ZFX: variants seen among roughly 807,000 people sequenced by gnomAD.
ZFX encodes zinc finger protein X-linked.
For missense variants in ZFX, 362 were observed against 628.3 expected, an observed-to-expected ratio of 0.58 and a Z score of 4.53; for synonymous variants, 196 against 226.8, an observed-to-expected ratio of 0.86 and a Z score of 1.22.
chrX:24,185,269 C>T (rs1457962787), intron 5 of ZFX, among the ~76,000 whole-genome samples: 3 of 111,382 alleles, frequency 2.7e-5, no homozygotes, highest in Non-Finnish European at 5.7e-5. Flanking sequence ...CCGGCCTCTA[C>T]AGCCACTTTT....
At chrX:24,178,232 C>T (rs1029008480) in intron 4 of ZFX, among the ~76,000 whole-genome samples, 1 of 105,823 alleles carries the variant, frequency 9.4e-6, no homozygotes, top group African/African-American at 3.5e-5. Context: ...GCCCGGCCTA[C>T]TTAATTAATT....
intron 9 of ZFX, among the ~76,000 whole-genome samples, chrX:24,209,294 G>T (rs964560766): frequency 5.3e-5 from 6 of 112,352 alleles, no homozygotes; most frequent in Non-Finnish European, 7.5e-5. Context: ...TGTGTACATG[G>T]AATGAAATCC....
chrX:24,164,669 C>T (rs929572803), intron 3 of ZFX, among the ~76,000 whole-genome samples: 6 of 111,361 alleles, frequency 5.4e-5, no homozygotes, highest in Non-Finnish European at 7.5e-5. Context: ...CGGTGCCTCA[C>T]ACCTGTAATC....
chrX:24,187,750 G>A (rs1371496102), intron 5 of ZFX, among the ~76,000 whole-genome samples: 1 of 111,772 alleles, frequency 8.9e-6, no homozygotes, highest in Non-Finnish European at 1.9e-5. Flanking sequence ...CCTCACTAGG[G>A]GTTGGAGATA....
intron 5 of ZFX, among the ~76,000 whole-genome samples, chrX:24,183,132 T>G (rs1935812542): frequency 8.9e-6 from 1 of 112,151 alleles, no homozygotes; most frequent in African/African-American, 3.2e-5. Flanking sequence ...CAAGAATTTA[T>G]GAGATAGATT....
At chrX:24,149,503 C>A (rs1363223454), upstream of ZFX, 1 of 111,685 alleles carries the variant, frequency 9.0e-6, no homozygotes, top group Non-Finnish European at 1.9e-5. Flanking sequence ...CCACTGGGCT[C>A]CCCGGTCGCG....
Position 24,211,463 on chromosome X carries a change from A to G in ZFX, c.*87A>G. The G allele has an allele frequency of 2.0e-6, 2 of 995,377 alleles. No individual in the cohort carries two copies. Among genetic ancestry groups the G allele is most frequent in the Non-Finnish European group, 2.8e-6 (2 of 725,818 alleles). The allele number at this position is 995,377 out of a possible 1,213,427, so 82.0% of individuals were successfully genotyped here. A position where few individuals can be genotyped will look rare whatever the true frequency, so the allele number is the denominator to read the frequency against. The stretch of plus-strand genomic sequence containing the variant: ...CCAATCAGTCTCATTCACATACAAT[A>G]CTGTATATTGATTTATGCTGTGTAC... On this transcript the variant is annotated 3_prime_UTR_variant, in exon 10 of 10. Transcript: ENST00000304543.
chrX:24,193,327 AG>A (rs1936667932), intron 5 of ZFX, among the ~76,000 whole-genome samples: 1 of 112,338 alleles, frequency 8.9e-6, no homozygotes, highest in Admixed American at 9.5e-5. Flanking sequence ...TAGTGAAAGA[AG>A]CCAGGCGAAA....
chrX:24,156,153 T>C (rs1027452868), intron 3 of ZFX, among the ~76,000 whole-genome samples: 9 of 112,269 alleles, frequency 8.0e-5, no homozygotes. Flanking sequence ...CTCCTTGGCC[T>C]CTGAAAGTGC....
Position 24,212,510 on chromosome X carries a change from G to A in ZFX, c.*1134G>A, listed in dbSNP as rs753741815. On this transcript the variant is annotated 3_prime_UTR_variant, in exon 10 of 10. Coordinates refer to ENST00000304543, the MANE Select transcript of ZFX (RefSeq NM_003410.4). ...TATCTTTGGTAATTGAAACATAGAG[G>A]TTAAGATGTTTCTAGGTAGAATGTT... 8.9e-6 allele frequency: 1 copy of A among 112,115 alleles called. No individual in the cohort carries two copies. The highest frequency in any genetic ancestry group is 1.9e-5 in the Non-Finnish European group (1 of 53,131). The allele number at this position is 112,115 out of a possible 1,213,427, so 9.2% of individuals were successfully genotyped here. A position where few individuals can be genotyped will look rare whatever the true frequency, so the allele number is the denominator to read the frequency against.
chrX:24,196,426 T>A (rs1403067625), intron 5 of ZFX, among the ~76,000 whole-genome samples: 1 of 112,264 alleles, frequency 8.9e-6, no homozygotes. Flanking sequence ...CCATGTATGT[T>A]CTATAACCAT....
Position 24,179,169 on chromosome X carries a change from A to ATT in ZFX, c.59-5_59-4dup, listed in dbSNP as rs760642851. The ATT allele has an allele frequency of 9.6e-7, 1 of 1,041,105 alleles. No homozygotes were observed. Among genetic ancestry groups the ATT allele is most frequent in the Admixed American group, 2.6e-5 (1 of 39,083 alleles). 85.8% of individuals were successfully genotyped at this position (1,041,105 alleles called of 1,213,427 possible). The stretch of plus-strand genomic sequence containing the variant: ...TACTTACCTGAAATTTGTCATTTTA[A>ATT]TTTTTTTTTTAAGGAGCTGATGGTA... On this transcript the variant is annotated splice_polypyrimidine_tract_variant and intron_variant, in intron 4 of 9. Coordinates refer to ENST00000304543, the MANE Select transcript of ZFX (RefSeq NM_003410.4).
chrX:24,172,355 A>C (rs1934705946), intron 3 of ZFX, among the ~76,000 whole-genome samples: 1 of 112,101 alleles, frequency 8.9e-6, no homozygotes, highest in Non-Finnish European at 1.9e-5. Context: ...AGGACACAAG[A>C]GTGCTGGGGT....
chrX:24,153,210 A>G (rs1039203978), intron 3 of ZFX, among the ~76,000 whole-genome samples: 2 of 111,823 alleles, frequency 1.8e-5, no homozygotes, highest in East Asian at 2.8e-4. Flanking sequence ...AAACTACTCA[A>G]CGGGTCCTTG....
rs781656650 is a variant in ZFX at position 24,211,514 on chromosome X, C to CT, written c.*146dup. ...AAATAGAATTATTACTTCTAGTTGACTTTTTTTTAAATATACATTTTGCTC... is the reference window on the plus strand; with the variant it reads ...AAATAGAATTATTACTTCTAGTTGACTTTTTTTTTAAATATACATTTTGCTC... On this transcript the variant is annotated 3_prime_UTR_variant, in exon 10 of 10. Coordinates refer to ENST00000304543, the MANE Select transcript of ZFX (RefSeq NM_003410.4). 408 of 785,091 alleles carry CT rather than the reference C, an allele frequency of 5.2e-4. No homozygotes were observed. The highest frequency in any genetic ancestry group is 1.4e-3 in the Admixed American group (36 of 25,161). The allele number at this position is 785,091 out of a possible 1,213,427, so 64.7% of individuals were successfully genotyped here.
intron 3 of ZFX, among the ~76,000 whole-genome samples, chrX:24,166,610 A>G (rs761773350): frequency 2.3e-4 from 26 of 111,474 alleles, no homozygotes; most frequent in Non-Finnish European, 4.5e-4. Context: ...TTTTTTTATT[A>G]CTGTCTCATA....
chrX:24,190,100 C>T (rs923208502), intron 5 of ZFX, among the ~76,000 whole-genome samples: 13 of 111,118 alleles, frequency 1.2e-4, no homozygotes, highest in Non-Finnish European at 2.5e-4. Context: ...TTTTTAGTTG[C>T]CCAGTAAAAA....
chrX:24,187,856 G>T lies in ZFX; in HGVS notation c.646+8086G>T, dbSNP rs765415947. 5.4e-5 allele frequency among the ~76,000 whole-genome samples: 6 copies of T among 111,381 alleles called. No individual in the cohort carries two copies. The South Asian group carries it at 2.2e-3, about 42-fold the overall frequency. ...TTGAGTGTAGGAAGGTATGTAAATAGATATAGAAAGTACTTTAGAAGCACT... is the reference window on the plus strand; with the variant it reads ...TTGAGTGTAGGAAGGTATGTAAATATATATAGAAAGTACTTTAGAAGCACT... On this transcript the variant is annotated intron_variant, in intron 5 of 9. Transcript: ENST00000304543.
intron 3 of ZFX, among the ~76,000 whole-genome samples, chrX:24,169,182 A>G (rs936759303): frequency 9.0e-6 from 1 of 111,682 alleles, no homozygotes; most frequent in Non-Finnish European, 1.9e-5. Context: ...TGACCAGGCA[A>G]AACAATAGTT....
Sources: gnomAD v4.1 joint callset for allele counts (sites outside exome capture counted in the v4.1 genomes callset) on GRCh38, gnomAD v4.1.1 for gene constraint, MANE v1.5 for transcripts, NCBI Gene and HGNC (gene_info 2026-07-23, HGNC 2026-07-21) for gene names.